Variants in PLA2G4A observed in about 807,000 individuals in gnomAD.
PLA2G4A encodes the protein cytosolic phospholipase A2.
A neutral mutation model predicts 81.9 loss-of-function variants in PLA2G4A; 40 were observed. That is an observed-to-expected ratio of 0.49 (90% CI 0.38 to 0.64). The LOEUF (loss-of-function observed/expected upper bound fraction) is 0.64. Ranked by LOEUF, PLA2G4A falls within the 30% of genes least tolerant of loss-of-function variation. PLA2G4A has a pLI of 0.00. For missense variants in PLA2G4A, 715 were observed against 905.1 expected (o/e 0.79, Z 2.69); for synonymous variants, 302 against 296.9 (o/e 1.02, Z -0.18).
At position 186,946,910 on chromosome 1, in the gene PLA2G4A, T is replaced by G; in HGVS notation, c.1213T>G (p.Leu405Val). The G allele has an allele frequency of 6.2e-7, 1 of 1,612,794 alleles. No individual in the cohort carries two copies. The highest frequency in any genetic ancestry group is 8.5e-7 in the Non-Finnish European group (1 of 1,178,946). Residue 405 changes from leucine to valine, a missense_variant, in exon 12 of 18, where the codon TTG becomes GTG. Physicochemically the swap from Leu to Val is conservative, Grantham distance 32. Transcript: ENST00000367466. ...CTTTTCCATATTGTTCAACAGAGTTTTGGGCGTTTCTGGTTCACAAAGCAG... is the reference window on the plus strand; with the variant it reads ...CTTTTCCATATTGTTCAACAGAGTTGTGGGCGTTTCTGGTTCACAAAGCAG... ...SAFSILFNRVLGVSGSQSRGS... is the reference protein window; with the variant it reads ...SAFSILFNRVVGVSGSQSRGS...
chr1:186,987,992 T>A (rs1657939805), intron 17 of PLA2G4A, among the ~76,000 whole-genome samples: 1 of 152,204 alleles, frequency 6.6e-6, no homozygotes, highest in African/African-American at 2.4e-5. Flanking sequence ...CTTTTTCTAC[T>A]TGCCCACTAA....
intron 17 of PLA2G4A, among the ~76,000 whole-genome samples, chr1:186,986,708 T>C (rs563141633): frequency 2.0e-5 from 3 of 152,344 alleles, no homozygotes; most frequent in Non-Finnish European, 2.9e-5. Flanking sequence ...AAGCACTTTA[T>C]AGAAATGATC....
chr1:186,890,682 T>C (rs981711044), intron 3 of PLA2G4A, among the ~76,000 whole-genome samples: 8 of 151,816 alleles, frequency 5.3e-5, no homozygotes, highest in South Asian at 4.2e-4. Context: ...GGTGTAACCC[T>C]GTCTCTACTG....
chr1:186,911,144 C>A (rs1654925179), intron 6 of PLA2G4A, 104 bp from the exon 7 acceptor site: 1 of 878,782 alleles, frequency 1.1e-6, no homozygotes, highest in South Asian at 1.3e-5. Context: ...GGGAAGCAGT[C>A]AGCATATATC....
chr1:186,885,088 G>T (rs1653885914), intron 3 of PLA2G4A, among the ~76,000 whole-genome samples: 1 of 152,036 alleles, frequency 6.6e-6, no homozygotes, highest in Non-Finnish European at 1.5e-5. Context: ...TGGATTTTAG[G>T]ACAAAATAAG....
chr1:186,940,151 T>C lies in PLA2G4A; in HGVS notation c.1033+57T>C, dbSNP rs1006731905. ...GGAACCTCTGAATTGCAGTTTCCCATGGTTTTCCTTAGAGGAAGGTCATAA... is the reference window on the plus strand; with the variant it reads ...GGAACCTCTGAATTGCAGTTTCCCACGGTTTTCCTTAGAGGAAGGTCATAA... On this transcript the variant is annotated intron_variant, in intron 10 of 17. Coordinates refer to ENST00000367466, the MANE Select transcript of PLA2G4A (RefSeq NM_024420.3). The C allele has an allele frequency of 5.3e-6, 5 of 941,926 alleles. No individual in the cohort carries two copies. The Admixed American group carries it at 8.5e-5, about 16-fold the overall frequency. The allele number at this position is 941,926 out of a possible 1,614,324, so 58.3% of individuals were successfully genotyped here. A position where few individuals can be genotyped will look rare whatever the true frequency, so the allele number is the denominator to read the frequency against.
chr1:186,873,210 G>T (rs1653347117), intron 3 of PLA2G4A, among the ~76,000 whole-genome samples: 1 of 152,040 alleles, frequency 6.6e-6, no homozygotes, highest in South Asian at 2.1e-4. Flanking sequence ...GGAGACTCTG[G>T]TGAGAAAAGG....
At chr1:186,829,061 T>C (rs1651457482) in intron 1 of PLA2G4A, 26 bp downstream of exon 1, 4 of 152,306 alleles carry the variant, frequency 2.6e-5, no homozygotes, top group African/African-American at 9.6e-5. Flanking sequence ...GTAAGCAATA[T>C]ATTTATTCTT....
At chr1:186,858,428 T>C (rs925430577) in intron 2 of PLA2G4A, among the ~76,000 whole-genome samples, 11 of 152,210 alleles carry the variant, frequency 7.2e-5, no homozygotes, top group African/African-American at 2.4e-4. Flanking sequence ...TCTGTTCATA[T>C]CCTTTGCCCA....
intron 7 of PLA2G4A, among the ~76,000 whole-genome samples, chr1:186,920,450 C>T (rs1031916607): frequency 6.6e-6 from 1 of 152,186 alleles, no homozygotes; most frequent in Non-Finnish European, 1.5e-5. Context: ...GCACCAATAT[C>T]GACCAAAAAC....
chr1:186,858,945 T>C (rs1558370655), intron 2 of PLA2G4A, among the ~76,000 whole-genome samples: 1 of 151,786 alleles, frequency 6.6e-6, no homozygotes, highest in Non-Finnish European at 1.5e-5. Flanking sequence ...GTGTGTAAAT[T>C]GTTTTAAAAA....
chr1:186,968,989 T>A lies in PLA2G4A; in HGVS notation c.1764+3396T>A, dbSNP rs140217423. 2.0e-4 allele frequency among the ~76,000 whole-genome samples: 30 copies of A among 152,048 alleles called. 1 individual carries two copies. The highest frequency in any genetic ancestry group is 3.7e-4 in the Non-Finnish European group (25 of 67,844). ...CTTTGTGAGACTGAATGGTTTGTCA[T>A]GCTTATTATATATTGATGTTTTTAA... is the stretch of plus-strand genomic sequence containing the variant. On this transcript the variant is annotated intron_variant, in intron 15 of 17. Transcript: ENST00000367466.
chr1:186,936,663 T>C (rs1278849626), intron 8 of PLA2G4A, among the ~76,000 whole-genome samples: 2 of 151,950 alleles, frequency 1.3e-5, no homozygotes, highest in Non-Finnish European at 2.9e-5. Context: ...CAAGTCCTGG[T>C]AGTTAGCTAC....
At chr1:186,880,805 C>T (rs764105526) in intron 3 of PLA2G4A, among the ~76,000 whole-genome samples, 2 of 151,916 alleles carry the variant, frequency 1.3e-5, no homozygotes, top group African/African-American at 2.4e-5. Flanking sequence ...ACATTCTAAG[C>T]ATTTAAAACA....
At chr1:186,939,457 T>G (rs531540039) in intron 9 of PLA2G4A, among the ~76,000 whole-genome samples, 40 of 150,032 alleles carry the variant, frequency 2.7e-4, no homozygotes, top group Non-Finnish European at 4.3e-4. Context: ...AGATTTTGAA[T>G]GTGTGAGGAA....
chr1:186,956,838 T>C (rs1656772539), intron 14 of PLA2G4A, among the ~76,000 whole-genome samples: 1 of 152,012 alleles, frequency 6.6e-6, no homozygotes, highest in African/African-American at 2.4e-5. Flanking sequence ...AAGAAAAATT[T>C]ACATTGGAGA....
rs1340550853 is a variant in PLA2G4A, at chr1:186,921,567, C to T, written c.558+10178C>T. On this transcript the variant is annotated intron_variant, in intron 7 of 17. Transcript: ENST00000367466. ...TCTTGGGCCATAAGCAAGCTGTCAA[C>T]GGAGAAGTTTCTCCTGTGGCTTCAC... Among the ~76,000 whole-genome samples, 4 of 152,088 alleles carry T rather than the reference C, an allele frequency of 2.6e-5. No individual in the cohort carries two copies. In the South Asian group the frequency reaches 8.3e-4, roughly 32 times the overall value.
chr1:186,948,712 C>T (rs1464106608), intron 12 of PLA2G4A, among the ~76,000 whole-genome samples: 1 of 152,086 alleles, frequency 6.6e-6, no homozygotes, highest in Non-Finnish European at 1.5e-5. Context: ...GAGGTTTATA[C>T]TAGGTAGTTT....
chr1:186,849,514 T>A (rs893717903), intron 1 of PLA2G4A, among the ~76,000 whole-genome samples: 2 of 152,054 alleles, frequency 1.3e-5, no homozygotes, highest in African/African-American at 4.8e-5. Context: ...TTCAACATGA[T>A]CTGCCACTGC....
Sources: allele counts gnomAD v4.1 joint callset (sites outside exome capture counted in the v4.1 genomes callset), GRCh38; gene constraint gnomAD v4.1.1; transcripts MANE v1.5; gene names NCBI Gene and HGNC (gene_info 2026-07-23, HGNC 2026-07-21).